The following EML4 variants were observed in gnomAD, a reference collection of about 807,000 sequenced individuals.
EML4 encodes the protein EMAP like 4.
Under a neutral mutation model 129.0 loss-of-function variants are expected in EML4, and 72 were observed. The observed-to-expected ratio is 0.56, with a 90% CI of 0.46 to 0.68. The LOEUF (loss-of-function observed/expected upper bound fraction) is 0.68, where lower values mean the gene tolerates loss of function less well. EML4 is among the 30% of genes least tolerant of loss of function. The pLI is 0.00. For synonymous variants in EML4, 532 were observed against 405.0 expected (o/e 1.31, Z -3.77); for missense variants, 1,363 against 1,190.6 (o/e 1.14, Z -2.13).
chr2:42,327,698 G>C (rs1669885688), intron 21 of EML4, among the ~76,000 whole-genome samples: 1 of 152,174 alleles, frequency 6.6e-6, no homozygotes, highest in East Asian at 1.9e-4. Flanking sequence ...TTCTGAAAGG[G>C]TTAGAAGATA....
At chr2:42,189,938 C>T (rs763256263) in intron 1 of EML4, among the ~76,000 whole-genome samples, 17 of 150,456 alleles carry the variant, frequency 1.1e-4, no homozygotes, top group African/African-American at 1.7e-4. Context: ...AGACATATTA[C>T]GAAGTCAAAA....
At chr2:42,256,054 A>G (rs977977082) in intron 2 of EML4, among the ~76,000 whole-genome samples, 13 of 152,232 alleles carry the variant, frequency 8.5e-5, no homozygotes, top group Non-Finnish European at 2.9e-5. Context: ...GGAGAGGTTA[A>G]CTTTATATAC....
chr2:42,220,376 C>G (rs1356646715), intron 1 of EML4, among the ~76,000 whole-genome samples: 1 of 151,778 alleles, frequency 6.6e-6, no homozygotes, highest in Non-Finnish European at 1.5e-5. Context: ...GTATTTCAAA[C>G]TTTTTCACTA....
At chr2:42,323,965 AAAAG>A (rs1360942614) in intron 19 of EML4, among the ~76,000 whole-genome samples, 2 of 150,298 alleles carry the variant, frequency 1.3e-5, no homozygotes, top group African/African-American at 2.5e-5. Context: ...AAAGAAAAGA[AAAAG>A]AAAAAGTCTT....
At position 42,282,912 on chromosome 2, in the gene EML4, T is replaced by C; in HGVS notation, c.881T>C (p.Leu294Pro). The change falls in exon 8 of 23, where the codon CTA becomes CCA. Residue 294 changes from leucine to proline, a missense_variant. By Grantham distance (98) the Leu-to-Pro change is moderately conservative. Transcript: ENST00000318522. Reference protein sequence around the residue: ...IVYFIASVVVLFNYEERTQRH... With the variant: ...IVYFIASVVVPFNYEERTQRH... ...TATTTCATTGCATCAGTAGTAGTAC[T>C]ATTTAATTATGAGGAGAGAACTCAG... 2 of 1,612,928 alleles carry C rather than the reference T, an allele frequency of 1.2e-6. No individual in the cohort carries two copies. The highest frequency in any genetic ancestry group is 1.7e-6 in the Non-Finnish European group (2 of 1,178,862).
chr2:42,245,515 T>C lies in EML4; in HGVS notation c.36T>C (p.Ile12=), dbSNP rs1360114478. The C allele has an allele frequency of 1.2e-6, 2 of 1,611,156 alleles. No individual in the cohort carries two copies. The highest frequency in any genetic ancestry group is 1.7e-6 in the Non-Finnish European group (2 of 1,178,058). ...DGFAGSLDDS[I]SAASTSDVQD... is the part of the protein sequence containing the mutation. Reference sequence around the variant, plus strand: ...TATTTTATTTTATAGATGATAGTATTTCTGCTGCAAGTACTTCTGATGTTC... The same window carrying C: ...TATTTTATTTTATAGATGATAGTATCTCTGCTGCAAGTACTTCTGATGTTC... The change falls in exon 2 of 23, where the codon ATT becomes ATC. Residue 12 remains isoleucine (I), a synonymous_variant. Transcript: ENST00000318522.
chr2:42,301,631 C>A (rs764847548), intron 14 of EML4, among the ~76,000 whole-genome samples: 1 of 151,260 alleles, frequency 6.6e-6, no homozygotes, highest in South Asian at 2.1e-4. Context: ...CCTGTTAAAA[C>A]CAGAGCAAAT....
intron 18 of EML4, among the ~76,000 whole-genome samples, chr2:42,316,685 C>T (rs1452809548): frequency 6.6e-6 from 1 of 152,172 alleles, no homozygotes; most frequent in African/African-American, 2.4e-5. Context: ...TGGAGTTAGT[C>T]TGACATTGTC....
intron 2 of EML4, among the ~76,000 whole-genome samples, chr2:42,247,523 G>A (rs1167546313): frequency 6.6e-6 from 1 of 152,078 alleles, no homozygotes; most frequent in Non-Finnish European, 1.5e-5. Context: ...GAGTTAGATG[G>A]AAGAAAGGAT....
chr2:42,185,678 C>T (rs920486546), intron 1 of EML4, among the ~76,000 whole-genome samples: 23 of 152,092 alleles, frequency 1.5e-4, no homozygotes, highest in African/African-American at 5.3e-4. Flanking sequence ...TTATCTTCAG[C>T]GTCATGCTGA....
Position 42,330,415 on chromosome 2 carries a change from C to G in EML4, c.*208C>G. The G allele has an allele frequency of 1.6e-6, 1 of 643,626 alleles. No homozygotes were observed. The highest frequency in any genetic ancestry group is 2.8e-6 in the Non-Finnish European group (1 of 355,754). 39.9% of individuals were successfully genotyped at this position (643,626 alleles called of 1,614,324 possible). A position where few individuals can be genotyped will look rare whatever the true frequency, so the allele number is the denominator to read the frequency against. The stretch of plus-strand genomic sequence containing the variant: ...TGGTGTTTATTGAAAATTAACCAAA[C>G]TTAATACTAGGAGAAGACTGAATCA... On this transcript the variant is annotated 3_prime_UTR_variant, in exon 23 of 23. Coordinates refer to ENST00000318522, the MANE Select transcript of EML4 (RefSeq NM_019063.5).
chr2:42,193,675 C>T (rs943386904), intron 1 of EML4, among the ~76,000 whole-genome samples: 2 of 151,748 alleles, frequency 1.3e-5, no homozygotes, highest in Middle Eastern at 3.4e-3. Flanking sequence ...TCATTATAGG[C>T]GTTCTTTTTT....
chr2:42,219,705 A>G (rs1017467), intron 1 of EML4, among the ~76,000 whole-genome samples: 94,606 of 151,854 alleles, frequency 0.62, 30,125 homozygotes, highest in East Asian at 0.74. Context: ...ATTACTTGAC[A>G]TCAGGACTTC....
chr2:42,282,039 A>G (rs1044453368), intron 7 of EML4, among the ~76,000 whole-genome samples: 3 of 152,180 alleles, frequency 2.0e-5, no homozygotes, highest in African/African-American at 7.2e-5. Flanking sequence ...TCCAGCATAA[A>G]TATCCCTTTT....
chr2:42,241,272 G>T (rs1334427283), intron 1 of EML4, among the ~76,000 whole-genome samples: 1 of 152,184 alleles, frequency 6.6e-6, no homozygotes, highest in Non-Finnish European at 1.5e-5. Flanking sequence ...AAAGGGTTAA[G>T]AGCCAGGATT....
Position 42,233,982 on chromosome 2 carries a change from C to G in EML4, c.26-11523C>G, listed in dbSNP as rs1276194503. The stretch of plus-strand genomic sequence containing the variant: ...TTAAAGAAGATCCGAAAAGTAGTGC[C>G]AAAGGGCAACCAAATAATTTTAGTG... On this transcript the variant is annotated intron_variant, in intron 1 of 22. Transcript: ENST00000318522. Among the ~76,000 whole-genome samples the G allele has an allele frequency of 3.3e-5, 5 of 152,196 alleles. No individual in the cohort carries two copies. The East Asian group carries it at 9.6e-4, about 29-fold the overall frequency.
chr2:42,216,267 G>A (rs1219062173), intron 1 of EML4, among the ~76,000 whole-genome samples: 2 of 104,262 alleles, frequency 1.9e-5, no homozygotes, highest in African/African-American at 8.4e-5. Flanking sequence ...TTTTGAGATG[G>A]TGTCTTGCTC....
At chr2:42,214,588 ATT>A (rs1251367670) in intron 1 of EML4, among the ~76,000 whole-genome samples, 1 of 152,140 alleles carries the variant, frequency 6.6e-6, no homozygotes, top group Non-Finnish European at 1.5e-5. Flanking sequence ...TAAAACAACA[ATT>A]TTGTTGTTAT....
At chr2:42,233,999 A>C (rs1251759150) in intron 1 of EML4, among the ~76,000 whole-genome samples, 1 of 152,250 alleles carries the variant, frequency 6.6e-6, no homozygotes, top group Non-Finnish European at 1.5e-5. Flanking sequence ...CAACCAAATA[A>C]TTTTAGTGAA....
Sources: allele counts gnomAD v4.1 joint callset (sites outside exome capture counted in the v4.1 genomes callset), GRCh38; gene constraint gnomAD v4.1.1; transcripts MANE v1.5; gene names NCBI Gene and HGNC (gene_info 2026-07-23, HGNC 2026-07-21).